ATG10: variants seen among roughly 807,000 people sequenced by gnomAD.
The protein encoded by ATG10 is ubiquitin-like-conjugating enzyme ATG10.
ATG10 carries 30 observed loss-of-function variants against 32.1 expected under a neutral mutation model. That is an observed-to-expected ratio of 0.94 (90% confidence interval 0.70 to 1.27). ATG10 has a LOEUF of 1.27. Ranked by LOEUF, ATG10 falls within the 50% of genes most tolerant of loss-of-function variation. ATG10 has a pLI of 0.00. For missense variants in ATG10, 233 were observed against 262.3 expected (o/e 0.89, Z 0.77); for synonymous variants, 87 against 91.5 (o/e 0.95, Z 0.28).
At chr5:82,006,179 A>G (rs1362607048) in intron 2 of ATG10, among the ~76,000 whole-genome samples, 1 of 152,184 alleles carries the variant, frequency 6.6e-6, no homozygotes, top group Non-Finnish European at 1.5e-5. Context: ...CATTAAATTC[A>G]TATTTTTAAA....
intron 3 of ATG10, among the ~76,000 whole-genome samples, chr5:82,128,846 T>C (rs560580700): frequency 6.6e-6 from 1 of 151,698 alleles, no homozygotes; most frequent in South Asian, 2.1e-4. Context: ...TTTGGGTTGC[T>C]CTTCTCAAGG....
intron 2 of ATG10, among the ~76,000 whole-genome samples, chr5:81,997,543 TA>T (rs1265660509): frequency 1.3e-5 from 2 of 152,126 alleles, no homozygotes; most frequent in African/African-American, 2.4e-5. Flanking sequence ...TAACTAGGCT[TA>T]AATGACAGAA....
At chr5:82,151,972 A>G (rs1277360575) in intron 3 of ATG10, among the ~76,000 whole-genome samples, 1 of 152,232 alleles carries the variant, frequency 6.6e-6, no homozygotes, top group Non-Finnish European at 1.5e-5. Flanking sequence ...ATCACCTATC[A>G]AAACAATGTA....
chr5:82,092,277 A>G (rs1321270579), intron 3 of ATG10, among the ~76,000 whole-genome samples: 3 of 152,228 alleles, frequency 2.0e-5, no homozygotes, highest in Non-Finnish European at 4.4e-5. Context: ...TGCCAATATA[A>G]ATTAAACTGC....
At chr5:82,208,737 A>T (rs1032338300) in intron 5 of ATG10, among the ~76,000 whole-genome samples, 1 of 152,220 alleles carries the variant, frequency 6.6e-6, no homozygotes, top group East Asian at 1.9e-4. Flanking sequence ...TTGATGTTTT[A>T]AAAAGATCAA....
chr5:82,043,052 C>T (rs755706072), intron 2 of ATG10, among the ~76,000 whole-genome samples: 1 of 152,228 alleles, frequency 6.6e-6, no homozygotes, highest in Non-Finnish European at 1.5e-5. Flanking sequence ...TCCCTCTGCA[C>T]TGCCCTAGTA....
At chr5:82,020,351 G>A (rs1329539088) in intron 2 of ATG10, among the ~76,000 whole-genome samples, 3 of 152,188 alleles carry the variant, frequency 2.0e-5, no homozygotes, top group African/African-American at 7.2e-5. Context: ...CTAATAGTAG[G>A]ATTGAGTCTT....
chr5:82,028,269 C>G (rs983043693), intron 2 of ATG10, among the ~76,000 whole-genome samples: 4 of 152,104 alleles, frequency 2.6e-5, no homozygotes. Flanking sequence ...TTAGAAAATG[C>G]TGAATTGCTG....
At chr5:82,173,679 G>A (rs1743891562) in intron 4 of ATG10, among the ~76,000 whole-genome samples, 1 of 152,128 alleles carries the variant, frequency 6.6e-6, no homozygotes, top group African/African-American at 2.4e-5. Flanking sequence ...CAGCCTCAAT[G>A]TGACTAATGA....
intron 5 of ATG10, among the ~76,000 whole-genome samples, chr5:82,208,634 G>A (rs1354750792): frequency 6.6e-6 from 1 of 152,154 alleles, no homozygotes; most frequent in East Asian, 1.9e-4. Context: ...AATATTTTAA[G>A]TGTGAGGTTT....
intron 3 of ATG10, among the ~76,000 whole-genome samples, chr5:82,124,656 TA>T (rs1766188035): frequency 6.6e-6 from 1 of 152,146 alleles, no homozygotes; most frequent in African/African-American, 2.4e-5. Context: ...TTCCATGGTG[TA>T]TATGTGCCAT....
chr5:82,122,211 T>C (rs1451068307), intron 3 of ATG10, among the ~76,000 whole-genome samples: 1 of 151,902 alleles, frequency 6.6e-6, no homozygotes, highest in Non-Finnish European at 1.5e-5. Flanking sequence ...CCTGCGTCAG[T>C]GTTGGGAGGG....
intron 3 of ATG10, among the ~76,000 whole-genome samples, chr5:82,093,889 T>C (rs973594146): frequency 2.0e-5 from 3 of 152,170 alleles, no homozygotes; most frequent in Non-Finnish European, 4.4e-5. Flanking sequence ...GCAAAGCTCT[T>C]CTGAGGACTT....
At chr5:81,993,360 C>CTTTCTTTCCTTCTTTCTTTCCTTTTCTT in intron 2 of ATG10, among the ~76,000 whole-genome samples, 2 of 46,772 alleles carry the variant, frequency 4.3e-5, no homozygotes, top group Non-Finnish European at 8.1e-5. Context: ...TCTTTCTTTC[C>CTTTCTTTCCTTCTTTCTTTCCTTTTCTT]TTCTTTTCTT....
chr5:82,212,360 C>G (rs1561360067), intron 5 of ATG10, among the ~76,000 whole-genome samples: 1 of 152,186 alleles, frequency 6.6e-6, no homozygotes, highest in Non-Finnish European at 1.5e-5. Flanking sequence ...TGAAGCAACA[C>G]CCTTTCTCTC....
intron 1 of ATG10, among the ~76,000 whole-genome samples, chr5:81,985,281 G>A (rs919017292): frequency 2.0e-5 from 3 of 152,122 alleles, no homozygotes; most frequent in Non-Finnish European, 4.4e-5. Context: ...TTCAGTATAT[G>A]TCAGGATCAT....
chr5:81,985,929 A>AT (rs539056540), intron 1 of ATG10, among the ~76,000 whole-genome samples: 2 of 151,932 alleles, frequency 1.3e-5, no homozygotes, highest in South Asian at 4.2e-4. Flanking sequence ...CGCCTGGCTA[A>AT]TTTTTTGTAT....
chr5:82,188,646 G>A (rs900403975), intron 5 of ATG10, among the ~76,000 whole-genome samples: 13 of 152,006 alleles, frequency 8.6e-5, no homozygotes, highest in African/African-American at 2.9e-4. Flanking sequence ...GCAACAGCTT[G>A]GAGCAGGTGG....
In ATG10 at chr5:82,254,501, G is replaced by T. The variant is rs1747385387; in HGVS notation, c.*438G>T. ...TTTAACCCAGGAGGCAGAGGTTGCA[G>T]TGAGCTGAGACTGTGCCACTGCAGT... On this transcript the variant is annotated 3_prime_UTR_variant, in exon 8 of 8. Coordinates refer to ENST00000282185, the MANE Select transcript of ATG10 (RefSeq NM_031482.5). 6.8e-6 allele frequency: 1 copy of T among 146,930 alleles called. No individual in the cohort carries two copies. The highest frequency in any genetic ancestry group is 7.0e-5 in the Admixed American group (1 of 14,322). The allele number at this position is 146,930 out of a possible 1,614,324, so 9.1% of individuals were successfully genotyped here. A position where few individuals can be genotyped will look rare whatever the true frequency, so the allele number is the denominator to read the frequency against.
Sources: gnomAD v4.1 joint callset for allele counts (sites outside exome capture counted in the v4.1 genomes callset) on GRCh38, gnomAD v4.1.1 for gene constraint, MANE v1.5 for transcripts, NCBI Gene and HGNC (gene_info 2026-07-23, HGNC 2026-07-21) for gene names.